The following SUMO3 variants were observed in gnomAD, a reference collection of about 807,000 sequenced individuals.
The protein encoded by SUMO3 is small ubiquitin-related modifier 3.
A neutral mutation model predicts 11.1 loss-of-function variants in SUMO3; 2 were observed. That is an observed-to-expected ratio of 0.18 (90% confidence interval 0.07 to 0.57). The LOEUF (loss-of-function observed/expected upper bound fraction) is 0.57. SUMO3 is among the 20% of genes least tolerant of loss of function. The probability of loss-of-function intolerance (pLI) is 0.92; values close to 1 mark genes in which losing one functional copy is unlikely to be tolerated. For missense variants in SUMO3, 70 were observed against 132.8 expected, an observed-to-expected ratio of 0.53 and a Z score of 2.32; for synonymous variants, 56 against 53.5, an observed-to-expected ratio of 1.05 and a Z score of -0.20.
chr21:44,809,116 G>T lies in SUMO3; in HGVS notation c.153C>A (p.Gly51=). Residue 51 remains glycine, a splice_region_variant and synonymous_variant, in exon 3 of 4, where the codon GGC becomes GGA. Transcript: ENST00000332859. ...KLMKAYCERQ[G]LSMRQIRFRF... ...TGAATCTGATCTGCCTCATTGACAAGCCCTGGAAAGGAAAAGCAGTGGCCA... is the reference window on the plus strand; with the variant it reads ...TGAATCTGATCTGCCTCATTGACAATCCCTGGAAAGGAAAAGCAGTGGCCA... 2 of 1,613,856 alleles carry T rather than the reference G, an allele frequency of 1.2e-6. No individual in the cohort carries two copies. The highest frequency in any genetic ancestry group is 1.7e-6 in the Non-Finnish European group (2 of 1,179,878).
chr21:44,816,980 G>A, intron 1 of SUMO3, among the ~76,000 whole-genome samples: 2 of 124,370 alleles, frequency 1.6e-5, no homozygotes, highest in African/African-American at 3.1e-5. Flanking sequence ...TGGAAAGGGG[G>A]ACGCGATGGA....
At chr21:44,813,596 C>T (rs1425794598) in intron 2 of SUMO3, 2 of 278,526 alleles carry the variant, frequency 7.2e-6, no homozygotes, top group Non-Finnish European at 1.4e-5. Context: ...AGGGTGACAG[C>T]GGCGTGGGGC....
intron 2 of SUMO3, 173 bp downstream of exon 2, chr21:44,813,803 C>T: frequency 6.6e-7 from 1 of 1,511,374 alleles, no homozygotes; most frequent in Non-Finnish European, 8.8e-7. Flanking sequence ...GGGGGACAAG[C>T]CCAGCCTGGA....
At position 44,818,056 on chromosome 21, in the gene SUMO3, C is replaced by T. The variant is rs1306314705; in HGVS notation, c.-88G>A. Reference sequence around the variant, plus strand: ...TCTCGGCCCCGCCGCTCTCCCGCCGCAACTGTGCGCGGGGCCGCGCTTTAT... The same window carrying T: ...TCTCGGCCCCGCCGCTCTCCCGCCGTAACTGTGCGCGGGGCCGCGCTTTAT... On this transcript the variant is annotated 5_prime_UTR_variant, in exon 1 of 4. Transcript: ENST00000332859. 9 of 1,057,942 alleles carry T rather than the reference C, an allele frequency of 8.5e-6. No homozygotes were observed. The East Asian group carries it at 2.7e-4, about 32-fold the overall frequency. 65.5% of individuals were successfully genotyped at this position (1,057,942 alleles called of 1,614,324 possible). A position where few individuals can be genotyped will look rare whatever the true frequency, so the allele number is the denominator to read the frequency against.
Position 44,811,168 on chromosome 21 carries a change from CCACACATA to C in SUMO3, c.151-2058_151-2051del, listed in dbSNP as rs150488974. The stretch of plus-strand genomic sequence containing the variant: ...CACACATACACACACAGGCACACAC[CCACACATA>C]CACACACATGCACAAAGACACGGAC... On this transcript the variant is annotated intron_variant, in intron 2 of 3. Transcript: ENST00000332859. This position sits in a 1 kb window ranked among gnomAD's most constrained non-coding sequence, Gnocchi z 5.0. Among the ~76,000 whole-genome samples the C allele has an allele frequency of 0.1, 15,651 of 151,188 alleles. 1,073 individuals carry two copies. The highest frequency in any genetic ancestry group is 0.21 in the Middle Eastern group (61 of 292).
chr21:44,815,437 C>T (rs2083238022), intron 1 of SUMO3, among the ~76,000 whole-genome samples: 1 of 152,206 alleles, frequency 6.6e-6, no homozygotes, highest in East Asian at 1.9e-4. Flanking sequence ...GGGCCAGACA[C>T]CCCTGCCCAC....
rs1414167562 is a variant in SUMO3, at chr21:44,810,323, C to T, written c.151-1205G>A. ...GAGCCAGAGGCTACTGAGGCGTGGACACTGGTGGTCTGATGGACACTGGAC... is the reference window on the plus strand; with the variant it reads ...GAGCCAGAGGCTACTGAGGCGTGGATACTGGTGGTCTGATGGACACTGGAC... On this transcript the variant is annotated intron_variant, in intron 2 of 3. Coordinates refer to ENST00000332859, the MANE Select transcript of SUMO3 (RefSeq NM_006936.3). This position sits in a 1 kb window ranked among gnomAD's most constrained non-coding sequence, Gnocchi z 4.1. 1.3e-5 allele frequency among the ~76,000 whole-genome samples: 2 copies of T among 152,168 alleles called. No homozygotes were observed. Among genetic ancestry groups the T allele is most frequent in the Non-Finnish European group, 1.5e-5 (1 of 68,028 alleles).
At chr21:44,808,488 C>T (rs1246338963) in intron 3 of SUMO3, 1 of 1,447,042 alleles carries the variant, frequency 6.9e-7, no homozygotes, top group Non-Finnish European at 9.1e-7. Flanking sequence ...GCATTCTAGC[C>T]TGGGCAACAA....
chr21:44,813,711 CCCCGGGCAGCCGCCCTGT>C (rs1174595208), intron 2 of SUMO3: 1 of 1,098,788 alleles, frequency 9.1e-7, no homozygotes, highest in African/African-American at 1.6e-5. Flanking sequence ...GAACACAGCA[CCCCGGGCAGCCGCCCTGT>C]CAGGAAGAAA....
intron 2 of SUMO3, among the ~76,000 whole-genome samples, 180 bp from the exon 3 acceptor site, chr21:44,809,298 G>A (rs181037272): frequency 1.1e-4 from 17 of 152,362 alleles, no homozygotes; most frequent in African/African-American, 4.1e-4. Flanking sequence ...CTGATATGCA[G>A]ATTTATGATC....
chr21:44,817,762 C>A (rs559491120), intron 1 of SUMO3, among the ~76,000 whole-genome samples, 186 bp downstream of exon 1: 12 of 140,316 alleles, frequency 8.6e-5, no homozygotes, highest in African/African-American at 3.2e-4. Context: ...CGCGGCACAG[C>A]GCGCTTCGCG....
In SUMO3 at chr21:44,810,999, CATGCACACACCCACAT is replaced by C. The variant is rs59528804; in HGVS notation, c.151-1897_151-1882del. ...GCACACACCCATGCACACACCCACA[CATGCACACACCCACAT>C]ATGCACACACGCACACACCCACATA... On this transcript the variant is annotated intron_variant, in intron 2 of 3. Coordinates refer to ENST00000332859, the MANE Select transcript of SUMO3 (RefSeq NM_006936.3). The surrounding 1 kb of genome is among the most constrained non-coding windows in gnomAD (Gnocchi z 4.1). Among the ~76,000 whole-genome samples, 4,742 of 139,474 alleles carry C rather than the reference CATGCACACACCCACAT, an allele frequency of 0.034. 242 individuals are homozygous for C. The highest frequency in any genetic ancestry group is 0.11 in the African/African-American group (4,449 of 38,816). 91.5% of individuals were successfully genotyped at this position (139,474 alleles called of 152,430 possible). A position where few individuals can be genotyped will look rare whatever the true frequency, so the allele number is the denominator to read the frequency against.
At position 44,807,217 on chromosome 21, in the gene SUMO3, G is replaced by A. The variant is rs1373258786; in HGVS notation, c.223-177C>T. The stretch of plus-strand genomic sequence containing the variant: ...GCTCAGCACGCATGGAAGAGGCATT[G>A]CTGTATGCTCACTACAGCCCTTACG... On this transcript the variant is annotated intron_variant, in intron 3 of 3. Coordinates refer to ENST00000332859, the MANE Select transcript of SUMO3 (RefSeq NM_006936.3). This position sits in a 1 kb window ranked among gnomAD's most constrained non-coding sequence, Gnocchi z 4.3. 1.3e-5 allele frequency among the ~76,000 whole-genome samples: 2 copies of A among 152,146 alleles called. No homozygotes were observed. Among genetic ancestry groups the A allele is most frequent in the African/African-American group, 4.8e-5 (2 of 41,426 alleles).
chr21:44,812,053 C>CCTTTTTTTTT (rs755885948), intron 2 of SUMO3, among the ~76,000 whole-genome samples: 1 of 80,960 alleles, frequency 1.2e-5, no homozygotes. Flanking sequence ...AACTTCTCAC[C>CCTTTTTTTTT]TTTTTTTTTT....
chr21:44,815,101 C>T (rs1042950961), intron 1 of SUMO3, among the ~76,000 whole-genome samples: 1 of 152,234 alleles, frequency 6.6e-6, no homozygotes, highest in African/African-American at 2.4e-5. Flanking sequence ...TCACCCCATG[C>T]TGAGCTGCTG....
At position 44,808,449 on chromosome 21, in the gene SUMO3, C is replaced by T; in HGVS notation, c.222+598G>A. ...AATGGCGTGAACTCAGGAGGCAGAG[C>T]TTGCACAGTGAGCTGAGACTGCGCC... On this transcript the variant is annotated intron_variant, in intron 3 of 3. Transcript: ENST00000332859. 4.3e-6 allele frequency: 6 copies of T among 1,388,154 alleles called. No homozygotes were observed. In the South Asian group the frequency reaches 8.5e-5, roughly 20 times the overall value. The allele number at this position is 1,388,154 out of a possible 1,614,324, so 86.0% of individuals were successfully genotyped here.
At chr21:44,812,053 C>CTTTTTT (rs386394862) in intron 2 of SUMO3, among the ~76,000 whole-genome samples, 941 of 80,940 alleles carry the variant, frequency 0.012, 70 homozygotes, top group East Asian at 0.043. Context: ...AACTTCTCAC[C>CTTTTTT]TTTTTTTTTT....
rs368846598 is a variant in SUMO3, at chr21:44,813,972, G to T, written c.150+4C>A. 83 of 1,610,016 alleles carry T rather than the reference G, an allele frequency of 5.2e-5. No homozygotes were observed. The African/African-American group carries it at 9.9e-4, about 19-fold the overall frequency. On this transcript the variant is annotated splice_donor_region_variant and intron_variant, in intron 2 of 3. Transcript: ENST00000332859. ...AGGCTCTGCGGGGGAGCAAGGTGCCGCACCTGCCTCTCGCAGTAGGCCTTC... is the reference window on the plus strand; with the variant it reads ...AGGCTCTGCGGGGGAGCAAGGTGCCTCACCTGCCTCTCGCAGTAGGCCTTC...
rs375352091 is a variant in SUMO3, at chr21:44,813,942, C to T, written c.150+34G>A. 2.2e-5 allele frequency: 36 copies of T among 1,605,236 alleles called. No homozygotes were observed. In the African/African-American group the frequency reaches 2.3e-4, roughly 10 times the overall value. On this transcript the variant is annotated intron_variant, in intron 2 of 3. Coordinates refer to ENST00000332859, the MANE Select transcript of SUMO3 (RefSeq NM_006936.3). ...GGAACGCACAGGACCAGTGCGCACACGGGGAGGCTCTGCGGGGGAGCAAGG... is the reference window on the plus strand; with the variant it reads ...GGAACGCACAGGACCAGTGCGCACATGGGGAGGCTCTGCGGGGGAGCAAGG...
Sources: allele counts gnomAD v4.1 joint callset (sites outside exome capture counted in the v4.1 genomes callset), GRCh38; gene constraint gnomAD v4.1.1; non-coding constraint Gnocchi (gnomAD v3.1); transcripts MANE v1.5; gene names NCBI Gene and HGNC (gene_info 2026-07-23, HGNC 2026-07-21).